Variants in CDK5RAP2 observed in about 807,000 individuals in gnomAD.
CDK5RAP2 encodes the protein CDK5 regulatory subunit associated protein 2, also known as CDK5 regulatory subunit-associated protein 2.
In CDK5RAP2, 147 loss-of-function variants were observed where a neutral mutation model predicts 232.9. The ratio of observed to expected loss-of-function variants is 0.63; its 90% CI spans 0.55 to 0.72. CDK5RAP2 has a LOEUF of 0.72. Ranked by LOEUF, CDK5RAP2 falls within the 30% of genes least tolerant of loss-of-function variation. The pLI, the probability that CDK5RAP2 is intolerant of heterozygous loss-of-function variation, is 0.00. For missense variants in CDK5RAP2, 2,195 were observed against 2,231.5 expected, an observed-to-expected ratio of 0.98 and a Z score of 0.33; for synonymous variants, 833 against 833.7, an observed-to-expected ratio of 1.00 and a Z score of 0.01.
Position 120,411,410 on chromosome 9 carries a change from G to A in CDK5RAP2, c.4362C>T (p.Phe1454=). The A allele has an allele frequency of 6.2e-7, 1 of 1,613,474 alleles. No individual in the cohort carries two copies. The highest frequency in any genetic ancestry group is 8.5e-7 in the Non-Finnish European group (1 of 1,179,456). The stretch of plus-strand genomic sequence containing the variant: ...TGAGGGCCTGGTTCTGCTTCCTCAA[G>A]AAATGAATTTCTGATGTTAGAGAAC... ...LHSSLTSEIH[F]LRKQNQALNA... Residue 1454 remains phenylalanine (F), a synonymous_variant, in exon 29 of 38, where the codon TTC becomes TTT. Coordinates refer to ENST00000349780, the MANE Select transcript of CDK5RAP2 (RefSeq NM_018249.6).
intron 14 of CDK5RAP2, among the ~76,000 whole-genome samples, chr9:120,477,716 C>T (rs960270850): frequency 1.3e-5 from 2 of 152,190 alleles, no homozygotes; most frequent in East Asian, 3.8e-4. Context: ...GACGCACCAG[C>T]TATGGGATTA....
intron 15 of CDK5RAP2, among the ~76,000 whole-genome samples, chr9:120,476,996 C>G (rs923422804): frequency 5.3e-5 from 8 of 152,132 alleles, no homozygotes; most frequent in Admixed American, 2.0e-4. Flanking sequence ...ATAGAAAACA[C>G]AGGGATAGCA....
chr9:120,522,400 C>T (rs1210025318), intron 11 of CDK5RAP2, among the ~76,000 whole-genome samples: 1 of 152,114 alleles, frequency 6.6e-6, no homozygotes, highest in East Asian at 1.9e-4. Context: ...AATGTTAAAT[C>T]TTAAAAAATG....
At chr9:120,562,793 G>C (rs2042509175) in intron 3 of CDK5RAP2, among the ~76,000 whole-genome samples, 1 of 151,978 alleles carries the variant, frequency 6.6e-6, no homozygotes, top group African/African-American at 2.4e-5. Context: ...GTTTGCTAAA[G>C]ATCTGGTATA....
At chr9:120,565,330 C>T (rs1377221612) in intron 3 of CDK5RAP2, among the ~76,000 whole-genome samples, 6 of 152,178 alleles carry the variant, frequency 3.9e-5, no homozygotes, top group Non-Finnish European at 7.3e-5. Context: ...TTTGGGCCCA[C>T]AACACCACAG....
intron 16 of CDK5RAP2, among the ~76,000 whole-genome samples, chr9:120,470,630 T>C (rs1264921649): frequency 2.0e-5 from 3 of 151,436 alleles, no homozygotes; most frequent in African/African-American, 4.9e-5. Context: ...TCAAGGGAGA[T>C]AAAAGTGTCT....
chr9:120,408,198 G>T, intron 31 of CDK5RAP2, 149 bp downstream of exon 31: 1 of 893,242 alleles, frequency 1.1e-6, no homozygotes, highest in Non-Finnish European at 1.9e-6. Context: ...AGAAGAGTGG[G>T]TCAAAGAGCT....
At chr9:120,540,852 GC>G (rs1406214595) in intron 5 of CDK5RAP2, among the ~76,000 whole-genome samples, 1 of 152,232 alleles carries the variant, frequency 6.6e-6, no homozygotes, top group Non-Finnish European at 1.5e-5. Context: ...CACAGCACTG[GC>G]TCCTGCTGAG....
chr9:120,466,902 C>G (rs1160502217), intron 18 of CDK5RAP2, among the ~76,000 whole-genome samples: 1 of 152,182 alleles, frequency 6.6e-6, no homozygotes, highest in Non-Finnish European at 1.5e-5. Context: ...ACAACCCCAA[C>G]CAGGAAGATT....
intron 7 of CDK5RAP2, among the ~76,000 whole-genome samples, chr9:120,532,214 A>C (rs1006735459): frequency 1.3e-5 from 2 of 152,116 alleles, no homozygotes; most frequent in Non-Finnish European, 1.5e-5. Flanking sequence ...CATGAAATTC[A>C]ATTTTTTACA....
chr9:120,566,606 T>C (rs977313488), intron 3 of CDK5RAP2, among the ~76,000 whole-genome samples: 3 of 152,358 alleles, frequency 2.0e-5, no homozygotes, highest in Middle Eastern at 3.4e-3. Flanking sequence ...TACTCTGTGC[T>C]TTGCAAATAT....
At chr9:120,458,753 G>A in intron 19 of CDK5RAP2, 131 bp from the exon 20 acceptor site, 1 of 788,004 alleles carries the variant, frequency 1.3e-6, no homozygotes, top group African/African-American at 1.7e-5. Flanking sequence ...GAGAGAAACA[G>A]AAAAGAAAAG....
chr9:120,437,009 T>C (rs570571752), intron 25 of CDK5RAP2, among the ~76,000 whole-genome samples: 1 of 152,334 alleles, frequency 6.6e-6, no homozygotes, highest in South Asian at 2.1e-4. Flanking sequence ...ACGTGACCAC[T>C]GCTGAGTGAG....
At chr9:120,572,085 C>A in intron 1 of CDK5RAP2, 44 bp from the exon 2 acceptor site, 1 of 1,427,874 alleles carries the variant, frequency 7.0e-7, no homozygotes, top group Non-Finnish European at 9.9e-7. Context: ...AATGTTTGAA[C>A]AACAGAGACT....
chr9:120,568,522 T>C, intron 2 of CDK5RAP2, 134 bp from the exon 3 acceptor site: 1 of 759,828 alleles, frequency 1.3e-6, no homozygotes. Flanking sequence ...TGCTGTCTTT[T>C]GTGATTTACT....
Position 120,428,011 on chromosome 9 carries a change from G to T in CDK5RAP2, c.3956-5270C>A, listed in dbSNP as rs1164097560. 3.3e-5 allele frequency among the ~76,000 whole-genome samples: 5 copies of T among 152,078 alleles called. No individual in the cohort carries two copies. In the South Asian group the frequency reaches 8.3e-4, roughly 25 times the overall value. On this transcript the variant is annotated intron_variant, in intron 25 of 37. Coordinates refer to ENST00000349780, the MANE Select transcript of CDK5RAP2 (RefSeq NM_018249.6). ...CAACCTGCTCCTGAATGACTACTGG[G>T]TACATAACGAAATGAAGGCAGAAAT...
chr9:120,567,677 T>C lies in CDK5RAP2; in HGVS notation c.195+644A>G, dbSNP rs546762050. On this transcript the variant is annotated intron_variant, in intron 3 of 37. Transcript: ENST00000349780. The stretch of plus-strand genomic sequence containing the variant: ...GCCAAATCCATCACCAAGTAATCCA[T>C]TCTCAGAAAGAAACTACACAGTACT... Among the ~76,000 whole-genome samples, 47 of 152,306 alleles carry C rather than the reference T, an allele frequency of 3.1e-4. No individual in the cohort carries two copies. The South Asian group carries it at 8.7e-3, about 28-fold the overall frequency.
At position 120,437,797 on chromosome 9, in the gene CDK5RAP2, A is replaced by C. The variant is rs150725894; in HGVS notation, c.3723-270T>G. On this transcript the variant is annotated intron_variant, in intron 24 of 37. Coordinates refer to ENST00000349780, the MANE Select transcript of CDK5RAP2 (RefSeq NM_018249.6). Reference sequence around the variant, plus strand: ...CAGATTGGCAAGAACTCAGGCAAACAATAAGTTTCCATACACTCTTCAAAA... The same window carrying C: ...CAGATTGGCAAGAACTCAGGCAAACCATAAGTTTCCATACACTCTTCAAAA... Among the ~76,000 whole-genome samples the C allele has an allele frequency of 6.6e-5, 10 of 152,350 alleles. No homozygotes were observed. The East Asian group carries it at 1.9e-3, about 29-fold the overall frequency.
At chr9:120,563,684 C>A (rs940776107) in intron 3 of CDK5RAP2, among the ~76,000 whole-genome samples, 1 of 151,854 alleles carries the variant, frequency 6.6e-6, no homozygotes, top group South Asian at 2.1e-4. Flanking sequence ...CAGTCCTCAT[C>A]ATTCTCAAAT....
Sources: gnomAD v4.1 joint callset for allele counts (sites outside exome capture counted in the v4.1 genomes callset) on GRCh38, gnomAD v4.1.1 for gene constraint, MANE v1.5 for transcripts, NCBI Gene and HGNC (gene_info 2026-07-23, HGNC 2026-07-21) for gene names.